CNTN4: variants seen among roughly 807,000 people sequenced by gnomAD.
CNTN4 encodes contactin-4.
CNTN4 carries 77 observed loss-of-function variants against 122.5 expected under a neutral mutation model. That is an observed-to-expected ratio of 0.63 (90% CI 0.52 to 0.76). CNTN4 has a LOEUF of 0.76. Ranked by LOEUF, CNTN4 falls within the 30% of genes least tolerant of loss-of-function variation. The pLI is 0.00. For synonymous variants in CNTN4, 512 were observed against 447.0 expected (o/e 1.15, Z -1.83); for missense variants, 1,256 against 1,259.1 (o/e 1.00, Z 0.04).
At chr3:2,509,898 C>T (rs943353160) in intron 3 of CNTN4, among the ~76,000 whole-genome samples, 1 of 152,162 alleles carries the variant, frequency 6.6e-6, no homozygotes, top group Admixed American at 6.5e-5. Flanking sequence ...AATCCCAGAG[C>T]TCTTCTGATT....
At chr3:2,578,232 C>G (rs1019830901) in intron 4 of CNTN4, among the ~76,000 whole-genome samples, 2 of 152,190 alleles carry the variant, frequency 1.3e-5, no homozygotes, top group South Asian at 2.1e-4. Context: ...AGTCTCATCA[C>G]TAAGACTGAA....
intron 8 of CNTN4, among the ~76,000 whole-genome samples, chr3:2,871,078 G>A (rs907638928): frequency 6.6e-6 from 1 of 152,118 alleles, no homozygotes; most frequent in Admixed American, 6.6e-5. Flanking sequence ...GGGGCCAGGA[G>A]GTAAGGACAC....
chr3:2,455,383 G>C (rs1049585647), intron 3 of CNTN4, among the ~76,000 whole-genome samples: 3 of 152,262 alleles, frequency 2.0e-5, no homozygotes, highest in Middle Eastern at 3.4e-3. Flanking sequence ...TCATTATCCA[G>C]AGAGGACAAT....
chr3:2,326,455 A>G (rs1411337395), intron 2 of CNTN4, among the ~76,000 whole-genome samples: 1 of 149,680 alleles, frequency 6.7e-6, no homozygotes, highest in Non-Finnish European at 1.5e-5. Flanking sequence ...AGCCTCCTTA[A>G]TTGTGTGAGC....
At chr3:2,410,831 G>A (rs1401342112) in intron 3 of CNTN4, among the ~76,000 whole-genome samples, 1 of 152,186 alleles carries the variant, frequency 6.6e-6, no homozygotes, top group African/African-American at 2.4e-5. Flanking sequence ...AAGAGCAGTA[G>A]CATAGTCAGC....
At chr3:2,183,502 T>C (rs2037113787) in intron 2 of CNTN4, among the ~76,000 whole-genome samples, 1 of 152,196 alleles carries the variant, frequency 6.6e-6, no homozygotes, top group Non-Finnish European at 1.5e-5. Context: ...TTCCCGCTTA[T>C]TGACAGGACT....
At chr3:2,251,483 G>A (rs1180632917) in intron 2 of CNTN4, among the ~76,000 whole-genome samples, 2 of 151,850 alleles carry the variant, frequency 1.3e-5, no homozygotes, top group Non-Finnish European at 2.9e-5. Context: ...ATGTCCTTTA[G>A]GAAATATGTC....
At chr3:2,746,107 A>G (rs1559458277) in intron 6 of CNTN4, among the ~76,000 whole-genome samples, 1 of 151,992 alleles carries the variant, frequency 6.6e-6, no homozygotes, top group African/African-American at 2.4e-5. Flanking sequence ...ACACACACAC[A>G]CACATTTTAA....
chr3:2,751,077 G>T (rs183814271), intron 6 of CNTN4, among the ~76,000 whole-genome samples: 1 of 152,006 alleles, frequency 6.6e-6, no homozygotes, highest in African/African-American at 2.4e-5. Flanking sequence ...CGAGGCGAGT[G>T]GATCACGAGG....
chr3:2,798,010 A>G (rs2150031041), intron 6 of CNTN4, among the ~76,000 whole-genome samples: 1 of 148,218 alleles, frequency 6.7e-6, no homozygotes, highest in East Asian at 2.0e-4. Flanking sequence ...CTGGGATTGT[A>G]GTATAACCAT....
intron 13 of CNTN4, among the ~76,000 whole-genome samples, chr3:2,943,630 A>ATATTTTT (rs1553702084): frequency 7.8e-6 from 1 of 128,262 alleles, no homozygotes; most frequent in Admixed American, 8.5e-5. Context: ...ATATATATAT[A>ATATTTTT]TTTTTTTTTT....
chr3:2,227,943 C>T (rs1235890922), intron 2 of CNTN4, among the ~76,000 whole-genome samples: 1 of 152,022 alleles, frequency 6.6e-6, no homozygotes, highest in African/African-American at 2.4e-5. Flanking sequence ...TTTGAAGTAC[C>T]ATAGTTGAAC....
chr3:2,236,843 A>C (rs1302223712), intron 2 of CNTN4, among the ~76,000 whole-genome samples: 1 of 152,210 alleles, frequency 6.6e-6, no homozygotes, highest in African/African-American at 2.4e-5. Flanking sequence ...GGGAGATAGC[A>C]AGGGAGATCA....
intron 14 of CNTN4, among the ~76,000 whole-genome samples, chr3:3,006,044 C>T (rs1696597316): frequency 6.6e-6 from 1 of 152,074 alleles, no homozygotes; most frequent in East Asian, 1.9e-4. Context: ...CACCCCCACG[C>T]TCGGCTAATT....
At chr3:2,168,005 T>G (rs1357651970) in intron 2 of CNTN4, among the ~76,000 whole-genome samples, 5 of 152,102 alleles carry the variant, frequency 3.3e-5, no homozygotes, top group Non-Finnish European at 7.4e-5. Context: ...CTGGGCATGG[T>G]GTTGTGTGCC....
intron 2 of CNTN4, among the ~76,000 whole-genome samples, chr3:2,193,691 A>G (rs773605762): frequency 8.5e-5 from 13 of 152,196 alleles, no homozygotes; most frequent in Non-Finnish European, 1.5e-4. Context: ...CATATGCATG[A>G]CTATGGCCCC....
At chr3:2,402,155 C>T (rs2046881298) in intron 3 of CNTN4, among the ~76,000 whole-genome samples, 1 of 152,100 alleles carries the variant, frequency 6.6e-6, no homozygotes, top group South Asian at 2.1e-4. Flanking sequence ...CCTCTTCCTT[C>T]AGGGTTCTGC....
intron 3 of CNTN4, among the ~76,000 whole-genome samples, chr3:2,477,359 AATT>A (rs2075862890): frequency 6.6e-6 from 1 of 152,152 alleles, no homozygotes; most frequent in African/African-American, 2.4e-5. Flanking sequence ...TAATAATAGT[AATT>A]ATTATTATAT....
chr3:2,424,625 C>CA (rs2047747264), intron 3 of CNTN4, among the ~76,000 whole-genome samples: 1 of 152,144 alleles, frequency 6.6e-6, no homozygotes, highest in African/African-American at 2.4e-5. Flanking sequence ...GTTCTAGATC[C>CA]TTGAGGAATG....
Sources: allele counts gnomAD v4.1 joint callset (sites outside exome capture counted in the v4.1 genomes callset), GRCh38; gene constraint gnomAD v4.1.1; transcripts MANE v1.5; gene names NCBI Gene and HGNC (gene_info 2026-07-23, HGNC 2026-07-21).